The following MOSPD2 variants were observed in gnomAD, a reference collection of about 807,000 sequenced individuals.
MOSPD2 encodes the protein motile sperm domain containing 2.
A neutral mutation model predicts 41.7 loss-of-function variants in MOSPD2; 5 were observed. The observed-to-expected ratio is 0.12, with a 90% CI of 0.06 to 0.25. The LOEUF (loss-of-function observed/expected upper bound fraction) is 0.25. Ranked by LOEUF, MOSPD2 falls within the 10% of genes least tolerant of loss-of-function variation. The probability of loss-of-function intolerance (pLI) is 1.00; values close to 1 mark genes in which losing one functional copy is unlikely to be tolerated. For synonymous variants in MOSPD2, 115 were observed against 126.9 expected (o/e 0.91, Z 0.63); for missense variants, 282 against 375.2 (o/e 0.75, Z 2.05).
At chrX:14,918,856 G>A (rs761520891) in intron 14 of MOSPD2, 74 bp downstream of exon 14, 4 of 666,113 alleles carry the variant, frequency 6.0e-6, no homozygotes, top group African/African-American at 4.4e-5. Context: ...TTTTTCTCAC[G>A]GACATAAAGA....
intron 5 of MOSPD2, among the ~76,000 whole-genome samples, chrX:14,898,225 T>C (rs973982925): frequency 8.9e-6 from 1 of 111,911 alleles, no homozygotes; most frequent in East Asian, 2.8e-4. Context: ...TTATGGTATA[T>C]CTAGTTAGTT....
chrX:14,906,430 T>A (rs1361200938), intron 7 of MOSPD2, among the ~76,000 whole-genome samples: 6 of 111,525 alleles, frequency 5.4e-5, no homozygotes, highest in Non-Finnish European at 9.4e-5. Flanking sequence ...ACATCATATA[T>A]AAAAATTAAT....
At chrX:14,911,492 T>C (rs1379290893) in intron 9 of MOSPD2, 79 bp downstream of exon 9, 4 of 775,217 alleles carry the variant, frequency 5.2e-6, no homozygotes, top group African/African-American at 2.1e-5. Flanking sequence ...CTGTGTGATT[T>C]TGGGTAATTC....
At position 14,915,727 on chromosome X, in the gene MOSPD2, G is replaced by A. The variant is rs1055911332; in HGVS notation, c.1149G>A (p.Pro383=). The A allele has an allele frequency of 5.0e-6, 6 of 1,207,600 alleles. No individual in the cohort carries two copies. Among genetic ancestry groups the A allele is most frequent in the African/African-American group, 3.5e-5 (2 of 57,064 alleles). ...RVKPSNSSCD[P]GASVDIVVSP... ...AGCCAAGCAATAGCAGCTGTGACCC[G>A]GGTGCATCAGTGGATATAGTTGTGT... is the stretch of plus-strand genomic sequence containing the variant. The change falls in exon 12 of 15, where the codon CCG becomes CCA. Residue 383 remains proline (P), a synonymous_variant. Coordinates refer to ENST00000380492, the MANE Select transcript of MOSPD2 (RefSeq NM_152581.4).
intron 2 of MOSPD2, among the ~76,000 whole-genome samples, chrX:14,886,568 A>T (rs1347986180): frequency 1.8e-5 from 2 of 109,690 alleles, no homozygotes; most frequent in Admixed American, 2.0e-4. Flanking sequence ...AGAGAGAGAG[A>T]GAGAAATCAG....
chrX:14,912,470 A>G (rs1292611035), intron 10 of MOSPD2, 109 bp downstream of exon 10: 15 of 488,013 alleles, frequency 3.1e-5, no homozygotes, highest in Non-Finnish European at 4.5e-5. Flanking sequence ...CTGTAGAAAT[A>G]TAAAACCAAG....
chrX:14,895,196 C>T, intron 3 of MOSPD2, 112 bp from the exon 4 acceptor site: 2 of 487,538 alleles, frequency 4.1e-6, no homozygotes, highest in South Asian at 3.2e-5. Context: ...TGTTTGGGTA[C>T]ATTATATCAT....
chrX:14,892,979 C>A, intron 3 of MOSPD2, 101 bp downstream of exon 3: 1 of 544,509 alleles, frequency 1.8e-6, no homozygotes, highest in South Asian at 4.6e-5. Flanking sequence ...TAGCAGTCAT[C>A]ATAAACACCA....
intron 6 of MOSPD2, among the ~76,000 whole-genome samples, chrX:14,901,006 G>T (rs893692317): frequency 9.0e-6 from 1 of 111,143 alleles, no homozygotes; most frequent in Non-Finnish European, 1.9e-5. Flanking sequence ...GAAACTTCTT[G>T]CATACAAGAA....
rs773850885 is a variant in MOSPD2 at position 14,892,945 on chromosome X, T to C, written c.235+67T>C. The C allele has an allele frequency of 2.2e-4, 177 of 803,361 alleles. No individual in the cohort carries two copies. The African/African-American group carries it at 3.2e-3, about 14-fold the overall frequency. 66.2% of individuals were successfully genotyped at this position (803,361 alleles called of 1,213,427 possible). On this transcript the variant is annotated intron_variant, in intron 3 of 14. Coordinates refer to ENST00000380492, the MANE Select transcript of MOSPD2 (RefSeq NM_152581.4). Reference sequence around the variant, plus strand: ...TAAATGGTATTGTTTTACATTTATCTAATCATGTATTTGCACATATTCCTA... The same window carrying C: ...TAAATGGTATTGTTTTACATTTATCCAATCATGTATTTGCACATATTCCTA...
chrX:14,896,017 T>A (rs1253372761), intron 4 of MOSPD2, among the ~76,000 whole-genome samples: 1 of 111,537 alleles, frequency 9.0e-6, no homozygotes, highest in Non-Finnish European at 1.9e-5. Flanking sequence ...CTTTTTGCAT[T>A]TTCCTCTTAC....
At chrX:14,879,591 G>T (rs899243115) in intron 2 of MOSPD2, among the ~76,000 whole-genome samples, 2 of 111,311 alleles carry the variant, frequency 1.8e-5, no homozygotes, top group African/African-American at 6.5e-5. Flanking sequence ...CTTTTGGGGG[G>T]TCTGCAATTA....
At chrX:14,916,489 G>T (rs1309471259) in intron 13 of MOSPD2, among the ~76,000 whole-genome samples, 163 bp downstream of exon 13, 1 of 112,192 alleles carries the variant, frequency 8.9e-6, no homozygotes, top group African/African-American at 3.2e-5. Context: ...GCTCAAGGAG[G>T]TCACTGATAG....
At chrX:14,874,136 T>C (rs111331153) in intron 2 of MOSPD2, 2,453 of 216,017 alleles carry the variant, frequency 0.011, 61 homozygotes, top group African/African-American at 0.065. Context: ...GAAACTGCCA[T>C]AATACTATTG....
intron 7 of MOSPD2, among the ~76,000 whole-genome samples, chrX:14,904,732 C>G (rs1397221087): frequency 8.9e-6 from 1 of 111,972 alleles, no homozygotes. Flanking sequence ...TCACTGGCAT[C>G]AATGTGTGGC....
In MOSPD2 at chrX:14,873,678, C is replaced by T; in HGVS notation, c.10-11C>T. ...AGTAGTATCTAAGGTCCCATCGTGT[C>T]TCCCATCCAGAATCACGCCCAGAAT... On this transcript the variant is annotated splice_polypyrimidine_tract_variant and intron_variant, in intron 1 of 14. Coordinates refer to ENST00000380492, the MANE Select transcript of MOSPD2 (RefSeq NM_152581.4). The T allele has an allele frequency of 2.5e-6, 3 of 1,209,396 alleles. No individual in the cohort carries two copies. The East Asian group carries it at 8.9e-5, about 36-fold the overall frequency.
chrX:14,888,195 T>TACACACACACAC (rs773623825), intron 2 of MOSPD2, among the ~76,000 whole-genome samples: 3 of 88,749 alleles, frequency 3.4e-5, no homozygotes, highest in African/African-American at 1.2e-4. Context: ...GGAGAATATA[T>TACACACACACAC]ACACACACAC....
intron 9 of MOSPD2, among the ~76,000 whole-genome samples, 158 bp downstream of exon 9, chrX:14,911,571 G>A (rs2092591800): frequency 8.9e-6 from 1 of 112,132 alleles, no homozygotes; most frequent in Admixed American, 9.5e-5. Context: ...TAGCTGACCA[G>A]AAGCACCACT....
intron 5 of MOSPD2, among the ~76,000 whole-genome samples, chrX:14,897,767 G>T (rs1165285563): frequency 1.8e-5 from 2 of 111,809 alleles, no homozygotes; most frequent in Non-Finnish European, 3.8e-5. Flanking sequence ...TGTTTGATTT[G>T]GTTAGCTTTG....
Sources: allele counts gnomAD v4.1 joint callset (sites outside exome capture counted in the v4.1 genomes callset), GRCh38; gene constraint gnomAD v4.1.1; transcripts MANE v1.5; gene names NCBI Gene and HGNC (gene_info 2026-07-23, HGNC 2026-07-21).